Variants in RMDN1 observed in about 807,000 individuals in gnomAD.
RMDN1 encodes regulator of microtubule dynamics 1, also known as regulator of microtubule dynamics protein 1.
RMDN1 carries 48 observed loss-of-function variants against 48.9 expected under a neutral mutation model. The ratio of observed to expected loss-of-function variants is 0.98; its 90% confidence interval spans 0.78 to 1.25. The LOEUF is 1.25. RMDN1 is among the 50% of genes most tolerant of loss of function. The probability of loss-of-function intolerance (pLI) is 0.00; values close to 1 mark genes in which losing one functional copy is unlikely to be tolerated. For missense variants in RMDN1, 418 were observed against 373.4 expected (o/e 1.12, Z -0.98); for synonymous variants, 148 against 132.6 (o/e 1.12, Z -0.80).
rs1381296686 is a variant in RMDN1 at position 86,472,818 on chromosome 8, A to T, written c.*1490T>A. 1 of 232,012 alleles carries T rather than the reference A, an allele frequency of 4.3e-6. No individual in the cohort carries two copies. Among genetic ancestry groups the T allele is most frequent in the Non-Finnish European group, 8.3e-6 (1 of 120,322 alleles). The allele number at this position is 232,012 out of a possible 1,614,324, so 14.4% of individuals were successfully genotyped here. On this transcript the variant is annotated 3_prime_UTR_variant, in exon 10 of 10. Transcript: ENST00000406452. ...CAACCAACCACAAATTACCCACATGAGTGGCTGAGATAATGACACCTTTGC... is the reference window on the plus strand; with the variant it reads ...CAACCAACCACAAATTACCCACATGTGTGGCTGAGATAATGACACCTTTGC...
At chr8:86,502,647 G>A (rs536649588) in intron 2 of RMDN1, among the ~76,000 whole-genome samples, 1 of 152,254 alleles carries the variant, frequency 6.6e-6, no homozygotes, top group East Asian at 1.9e-4. Context: ...GCAGCATTCT[G>A]TTTGTAAATA....
chr8:86,509,758 T>G (rs1214891186), upstream of RMDN1, among the ~76,000 whole-genome samples: 3 of 152,198 alleles, frequency 2.0e-5, no homozygotes, highest in African/African-American at 7.2e-5. Context: ...CAGTGCTCCT[T>G]CTACTATATG....
At chr8:86,506,113 T>C (rs1819301091) in intron 2 of RMDN1, among the ~76,000 whole-genome samples, 1 of 152,196 alleles carries the variant, frequency 6.6e-6, no homozygotes, top group Admixed American at 6.5e-5. Flanking sequence ...TGTAGGAGAC[T>C]CATTACTTTT....
intron 5 of RMDN1, 112 bp from the exon 6 acceptor site, chr8:86,480,444 A>G: frequency 1.9e-6 from 1 of 534,156 alleles, no homozygotes; most frequent in East Asian, 3.0e-5. Context: ...TGTGTGTTTC[A>G]GTTCTCCCAT....
Position 86,473,386 on chromosome 8 carries a change from T to G in RMDN1, c.*922A>C, listed in dbSNP as rs1330933711. 38 of 985,330 alleles carry G rather than the reference T, an allele frequency of 3.9e-5. No individual in the cohort carries two copies. Among genetic ancestry groups the G allele is most frequent in the Admixed American group, 6.1e-5 (1 of 16,268 alleles). The allele number at this position is 985,330 out of a possible 1,614,324, so 61.0% of individuals were successfully genotyped here. The stretch of plus-strand genomic sequence containing the variant: ...AACATCTTAGTATTCCATTTCACTC[T>G]TAAGTTTTGTGTTCCTTCCATTCCA... On this transcript the variant is annotated 3_prime_UTR_variant, in exon 10 of 10. Transcript: ENST00000406452.
chr8:86,471,545 ATGAC>A (rs1443932455), downstream of RMDN1, among the ~76,000 whole-genome samples: 1 of 152,222 alleles, frequency 6.6e-6, no homozygotes, highest in African/African-American at 2.4e-5. Flanking sequence ...GCAGATGTGA[ATGAC>A]TGGCTAAAAT....
At chr8:86,477,110 T>C (rs920789406) in intron 8 of RMDN1, among the ~76,000 whole-genome samples, 184 bp downstream of exon 8, 3 of 151,064 alleles carry the variant, frequency 2.0e-5, no homozygotes, top group African/African-American at 4.9e-5. Context: ...CTAAGTTCAA[T>C]AGCAGCCTAT....
At chr8:86,497,198 C>G (rs1171471156) in intron 2 of RMDN1, among the ~76,000 whole-genome samples, 1 of 152,128 alleles carries the variant, frequency 6.6e-6, no homozygotes, top group Non-Finnish European at 1.5e-5. Flanking sequence ...AGAAAGATCT[C>G]AAATTGACAA....
At chr8:86,482,535 A>G in intron 5 of RMDN1, 1 of 715,310 alleles carries the variant, frequency 1.4e-6, no homozygotes, top group Middle Eastern at 3.7e-4. Flanking sequence ...AGTATCACTA[A>G]GTGAATGTCA....
At chr8:86,504,659 TG>T (rs1818991815) in intron 2 of RMDN1, 2 of 876,470 alleles carry the variant, frequency 2.3e-6, no homozygotes, top group African/African-American at 3.3e-5. Flanking sequence ...ATGAGTATAA[TG>T]GGATGAGCTT....
chr8:86,503,390 C>CAAAAAACAAAACAAAACA (rs1818717423), intron 2 of RMDN1, among the ~76,000 whole-genome samples: 1 of 56,588 alleles, frequency 1.8e-5, no homozygotes, highest in Non-Finnish European at 3.5e-5. Context: ...AAAAAAAAAA[C>CAAAAAACAAAACAAAACA]AAAAAAAAAT....
chr8:86,505,515 C>T (rs1819178352), intron 2 of RMDN1: 1 of 323,884 alleles, frequency 3.1e-6, no homozygotes, highest in East Asian at 7.6e-5. Context: ...TATAGCTCTA[C>T]AAGGCAAATT....
Position 86,472,428 on chromosome 8 carries a change from T to A in RMDN1, c.*1880A>T, listed in dbSNP as rs1461766576. The A allele has an allele frequency of 2.8e-6, 2 of 702,504 alleles. No individual in the cohort carries two copies. Among genetic ancestry groups the A allele is most frequent in the South Asian group, 1.5e-5 (1 of 67,596 alleles). The allele number at this position is 702,504 out of a possible 1,614,324, so 43.5% of individuals were successfully genotyped here. A position where few individuals can be genotyped will look rare whatever the true frequency, so the allele number is the denominator to read the frequency against. On this transcript the variant is annotated 3_prime_UTR_variant, in exon 10 of 10. Coordinates refer to ENST00000406452, the MANE Select transcript of RMDN1 (RefSeq NM_016033.3). ...AAAAGCCATCCAGCAGAATGCCACA[T>A]CCCTAGAAAGACCCACTTCCTGGCC...
rs1813093980 is a variant in RMDN1 at position 86,474,819 on chromosome 8, C to G, written c.894+1G>C. 6.2e-7 allele frequency: 1 copy of G among 1,602,182 alleles called. No individual in the cohort carries two copies. Among genetic ancestry groups the G allele is most frequent in the Non-Finnish European group, 8.5e-7 (1 of 1,176,182 alleles). On this transcript the variant is annotated splice_donor_variant, in intron 9 of 9. Transcript: ENST00000406452. LOFTEE classifies it high-confidence loss of function. ...GCCTTACTTTATGGGAGATGTTTTA[C>G]CTGTTTATCCTCCTCTGTGTGTGCT...
At position 86,484,971 on chromosome 8, in the gene RMDN1, TAA is replaced by T; in HGVS notation, c.496-12_496-11del. ...GGCAGATTGCATACCACTGAAAATT[TAA>T]AAAAGTGTAAGAACAATAATATTCT... On this transcript the variant is annotated splice_polypyrimidine_tract_variant and intron_variant, in intron 4 of 9. Transcript: ENST00000406452. The T allele has an allele frequency of 6.9e-7, 1 of 1,453,726 alleles. No homozygotes were observed. The highest frequency in any genetic ancestry group is 2.3e-5 in the East Asian group (1 of 43,424). 90.1% of individuals were successfully genotyped at this position (1,453,726 alleles called of 1,614,324 possible).
At position 86,472,361 on chromosome 8, in the gene RMDN1, A is replaced by G; in HGVS notation, c.*1947T>C. On this transcript the variant is annotated 3_prime_UTR_variant, in exon 10 of 10. Transcript: ENST00000406452. The stretch of plus-strand genomic sequence containing the variant: ...GTCACAGTCAAAATGCAGGTGCACA[A>G]CACAGTTTATTCGGTCTCCCTAAAG... 1.4e-6 allele frequency: 1 copy of G among 699,120 alleles called. No homozygotes were observed. The allele number at this position is 699,120 out of a possible 1,614,324, so 43.3% of individuals were successfully genotyped here.
At chr8:86,504,467 T>A in intron 2 of RMDN1, 2 of 1,555,984 alleles carry the variant, frequency 1.3e-6, no homozygotes, top group Non-Finnish European at 1.8e-6. Flanking sequence ...TCAACAGGAA[T>A]CTTCAAGGAT....
chr8:86,474,491 G>C (rs555085262), intron 9 of RMDN1, 133 bp from the exon 10 acceptor site: 4 of 748,788 alleles, frequency 5.3e-6, no homozygotes, highest in Non-Finnish European at 6.9e-6. Flanking sequence ...AAAATGTCTT[G>C]ACAGTGACCA....
At chr8:86,508,109 C>T (rs1266499722) in intron 1 of RMDN1, 3 of 189,752 alleles carry the variant, frequency 1.6e-5, no homozygotes, top group African/African-American at 7.0e-5. Context: ...CTTTTTAAAT[C>T]ACACACCACA....
Sources: allele counts gnomAD v4.1 joint callset (sites outside exome capture counted in the v4.1 genomes callset), GRCh38; gene constraint gnomAD v4.1.1; transcripts MANE v1.5; gene names NCBI Gene and HGNC (gene_info 2026-07-23, HGNC 2026-07-21).